KIFC3: variants seen among roughly 807,000 people sequenced by gnomAD.
KIFC3 encodes the protein kinesin-like protein KIFC3.
A neutral mutation model predicts 101.8 loss-of-function variants in KIFC3; 60 were observed. That is an observed-to-expected ratio of 0.59 (90% confidence interval 0.48 to 0.73). The LOEUF (loss-of-function observed/expected upper bound fraction) is 0.73. Among genes scored for constraint, KIFC3 ranks in the 30% least tolerant of loss-of-function variants. The probability of loss-of-function intolerance (pLI) is 0.00; values close to 1 mark genes in which losing one functional copy is unlikely to be tolerated. For missense variants in KIFC3, 966 were observed against 1,137.1 expected (o/e 0.85, Z 2.16); for synonymous variants, 476 against 482.7 (o/e 0.99, Z 0.18).
chr16:57,856,423 T>C (rs767044905), intron 1 of KIFC3, among the ~76,000 whole-genome samples: 3 of 128,632 alleles, frequency 2.3e-5, no homozygotes, highest in Non-Finnish European at 4.6e-5. Flanking sequence ...GAAGTTGCAG[T>C]GCATTCCAGC....
chr16:57,821,404 T>C (rs2055347660), intron 1 of KIFC3, among the ~76,000 whole-genome samples: 1 of 152,104 alleles, frequency 6.6e-6, no homozygotes, highest in Non-Finnish European at 1.5e-5. Context: ...ACCAGGTAAC[T>C]CTCTGCTGCT....
At position 57,771,258 on chromosome 16, in the gene KIFC3, C is replaced by T; in HGVS notation, c.705G>A (p.Arg235=). The T allele has an allele frequency of 2.5e-6, 4 of 1,613,272 alleles. No homozygotes were observed. The highest frequency in any genetic ancestry group is 3.4e-6 in the Non-Finnish European group (4 of 1,180,032). Residue 235 remains arginine, a synonymous_variant, in exon 6 of 20, where the codon CGG becomes CGA. Coordinates refer to ENST00000445690, the MANE Select transcript of KIFC3 (RefSeq NM_001130100.2). ...TGGTCTCGTGGCTGTCACGCAGGCGCCGACTAAGCCGCTCCTCCTCCTGTG... is the reference window on the plus strand; with the variant it reads ...TGGTCTCGTGGCTGTCACGCAGGCGTCGACTAAGCCGCTCCTCCTCCTGTG... ...EKAQEEERLS[R]RLRDSHETIA... is the part of the protein sequence containing the mutation.
chr16:57,794,886 G>T lies in KIFC3; in HGVS notation c.315+113C>A, dbSNP rs1568043844. On this transcript the variant is annotated intron_variant, in intron 3 of 19. Transcript: ENST00000445690. Reference sequence around the variant, plus strand: ...GAGGGGCCCAACAGAGAGGTGCGAGGTGGGTCCCCGGCTCTCCCCAGGTGC... The same window carrying T: ...GAGGGGCCCAACAGAGAGGTGCGAGTTGGGTCCCCGGCTCTCCCCAGGTGC... The T allele has an allele frequency of 5.1e-6, 5 of 971,414 alleles. No individual in the cohort carries two copies. In the East Asian group the frequency reaches 9.3e-5, roughly 18 times the overall value. 60.2% of individuals were successfully genotyped at this position (971,414 alleles called of 1,614,324 possible).
At chr16:57,775,149 G>C in intron 3 of KIFC3, 2 of 1,366,774 alleles carry the variant, frequency 1.5e-6, no homozygotes, top group South Asian at 1.7e-5. Context: ...GGGGCTCCTG[G>C]GCTCTGTCCA....
At chr16:57,777,789 G>C (rs1186633749) in intron 3 of KIFC3, among the ~76,000 whole-genome samples, 1 of 151,866 alleles carries the variant, frequency 6.6e-6, no homozygotes, top group African/African-American at 2.4e-5. Flanking sequence ...CATTAAAACA[G>C]ACATAAAGAG....
intron 1 of KIFC3, among the ~76,000 whole-genome samples, chr16:57,824,789 G>A (rs2055424710): frequency 6.6e-6 from 1 of 152,174 alleles, no homozygotes; most frequent in African/African-American, 2.4e-5. Flanking sequence ...GGGGAGGCCA[G>A]CCCTGCACCC....
At chr16:57,786,394 A>G (rs1389171003) in intron 3 of KIFC3, among the ~76,000 whole-genome samples, 1 of 152,166 alleles carries the variant, frequency 6.6e-6, no homozygotes, top group Non-Finnish European at 1.5e-5. Flanking sequence ...GGACAAGAAC[A>G]CAGAATCAGG....
At position 57,760,470 on chromosome 16, in the gene KIFC3, G is replaced by A. The variant is rs1555595275; in HGVS notation, c.2233-54C>T. On this transcript the variant is annotated intron_variant, in intron 16 of 19. Coordinates refer to ENST00000445690, the MANE Select transcript of KIFC3 (RefSeq NM_001130100.2). ...CCGGGCCAGCTGGAGGGGCAACAGG[G>A]TCACGAGAGGGAGCTCACAGCTGGG... The A allele has an allele frequency of 3.2e-5, 51 of 1,587,968 alleles. No individual in the cohort carries two copies. In the South Asian group the frequency reaches 4.6e-4, roughly 14 times the overall value.
intron 1 of KIFC3, among the ~76,000 whole-genome samples, chr16:57,855,362 T>TTG (rs1208093620): frequency 6.6e-6 from 1 of 151,998 alleles, no homozygotes. Flanking sequence ...GGGCCTCATG[T>TTG]GATCTACCCG....
chr16:57,842,588 G>A (rs1166799397), intron 1 of KIFC3, among the ~76,000 whole-genome samples: 2 of 152,184 alleles, frequency 1.3e-5, no homozygotes, highest in Non-Finnish European at 2.9e-5. Flanking sequence ...CAGTAACACT[G>A]TTCAATCAGA....
upstream of KIFC3, among the ~76,000 whole-genome samples, chr16:57,803,594 A>T (rs566644572): frequency 3.3e-4 from 50 of 152,258 alleles, no homozygotes; most frequent in Non-Finnish European, 6.8e-4. Flanking sequence ...CTGGGCTGCC[A>T]GTCAAGAATC....
chr16:57,862,585 A>G (rs1032580859), intron 1 of KIFC3: 4 of 274,254 alleles, frequency 1.5e-5, no homozygotes, highest in Non-Finnish European at 3.0e-5. Context: ...TTCAAATACC[A>G]GAGTGGTAAC....
At chr16:57,798,388 G>T in intron 1 of KIFC3, 106 bp from the exon 2 acceptor site, 1 of 1,026,554 alleles carries the variant, frequency 9.7e-7, no homozygotes, top group Non-Finnish European at 1.5e-6. Context: ...CCGGTCGCTG[G>T]TTACCCAGCG....
rs529401277 is a variant in KIFC3, at chr16:57,799,881, G to T, written c.-39-1599C>A. Reference sequence around the variant, plus strand: ...TCATGCCAAAGAGACGTGGAGGACTGAAAGCCCAGACAGGCAGAAAGCCTG... The same window carrying T: ...TCATGCCAAAGAGACGTGGAGGACTTAAAGCCCAGACAGGCAGAAAGCCTG... On this transcript the variant is annotated intron_variant, in intron 1 of 19. Transcript: ENST00000445690. 4.9e-4 allele frequency among the ~76,000 whole-genome samples: 74 copies of T among 152,290 alleles called. 1 individual carries two copies. The highest frequency in any genetic ancestry group is 3.4e-3 in the Middle Eastern group (1 of 294).
At chr16:57,785,055 G>A (rs935177026) in intron 3 of KIFC3, among the ~76,000 whole-genome samples, 17 of 152,222 alleles carry the variant, frequency 1.1e-4, no homozygotes, top group Admixed American at 3.3e-4. Flanking sequence ...CCTGTGGGGT[G>A]ACCATCTGAT....
At chr16:57,812,339 G>GC (rs1195655121) in intron 1 of KIFC3, among the ~76,000 whole-genome samples, 18 of 127,656 alleles carry the variant, frequency 1.4e-4, no homozygotes, top group African/African-American at 5.0e-4. Flanking sequence ...ACTGCGCCCA[G>GC]CCCCCCATCT....
intron 3 of KIFC3, chr16:57,774,689 A>AG: frequency 3.4e-6 from 1 of 297,870 alleles, no homozygotes. Context: ...CGCCCGGCTA[A>AG]TTTTTTTTTT....
At chr16:57,860,668 C>T (rs1256656303) in intron 1 of KIFC3, among the ~76,000 whole-genome samples, 1 of 151,934 alleles carries the variant, frequency 6.6e-6, no homozygotes, top group Non-Finnish European at 1.5e-5. Flanking sequence ...CGGAGTAGGG[C>T]TTCCTCAGAA....
intron 1 of KIFC3, among the ~76,000 whole-genome samples, chr16:57,838,456 G>A (rs1217894163): frequency 6.6e-6 from 1 of 152,126 alleles, no homozygotes; most frequent in Admixed American, 6.6e-5. Flanking sequence ...GCCTGCTCTT[G>A]TCTGCAGCAA....
Sources: gnomAD v4.1 joint callset for allele counts (sites outside exome capture counted in the v4.1 genomes callset) on GRCh38, gnomAD v4.1.1 for gene constraint, MANE v1.5 for transcripts, NCBI Gene and HGNC (gene_info 2026-07-23, HGNC 2026-07-21) for gene names.